PTPRF: variants seen among roughly 807,000 people sequenced by gnomAD.
PTPRF encodes protein tyrosine phosphatase receptor type F.
In PTPRF, 59 loss-of-function variants were observed where a neutral mutation model predicts 201.8. The observed-to-expected ratio is 0.29, with a 90% CI of 0.24 to 0.36. PTPRF has a LOEUF of 0.36. Ranked by LOEUF, PTPRF falls within the 10% of genes least tolerant of loss-of-function variation. The pLI is 1.00. For synonymous variants in PTPRF, 1,088 were observed against 1,089.7 expected, an observed-to-expected ratio of 1.00 and a Z score of 0.03; for missense variants, 2,132 against 2,690.5, an observed-to-expected ratio of 0.79 and a Z score of 4.59.
intron 3 of PTPRF, among the ~76,000 whole-genome samples, chr1:43,547,365 T>C (rs1436419789): frequency 6.6e-6 from 1 of 152,180 alleles, no homozygotes; most frequent in Non-Finnish European, 1.5e-5. Context: ...AATCCTGCCT[T>C]CTTCAGGTAG....
At chr1:43,610,435 A>G (rs888042601) in intron 22 of PTPRF, among the ~76,000 whole-genome samples, 1 of 152,266 alleles carries the variant, frequency 6.6e-6, no homozygotes, top group Non-Finnish European at 1.5e-5. Flanking sequence ...AGGAATTCAG[A>G]CAGGGGCACA....
Position 43,619,443 on chromosome 1 carries a change from A to G in PTPRF, c.4802A>G (p.His1601Arg), listed in dbSNP as rs371076941. The G allele has an allele frequency of 3.1e-6, 5 of 1,614,118 alleles. No homozygotes were observed. The highest frequency in any genetic ancestry group is 4.2e-6 in the Non-Finnish European group (5 of 1,180,040). The change falls in exon 28 of 34, where the codon CAT becomes CGT. Residue 1601 changes from histidine to arginine, a missense_variant. His to Arg is a conservative substitution (Grantham distance 29). This residue lies in a region of PTPRF where 519 missense variants were observed against 659.5 expected (regional missense o/e 0.79). Coordinates refer to ENST00000359947, the MANE Select transcript of PTPRF (RefSeq NM_002840.5). ...ACGGAGGACCAGTACGTGTTCATCC[A>G]TGAGGCGCTGCTGGAGGCTGCCACG... The part of the protein sequence containing the change: ...VQTEDQYVFI[H>R]EALLEAATCG...
Position 43,623,181 on chromosome 1 carries a change from A to C in PTPRF, c.*1178A>C, listed in dbSNP as rs1241264465. 6.5e-6 allele frequency: 1 copy of C among 152,712 alleles called. No homozygotes were observed. Among genetic ancestry groups the C allele is most frequent in the Non-Finnish European group, 1.5e-5 (1 of 68,076 alleles). 9.5% of individuals were successfully genotyped at this position (152,712 alleles called of 1,614,324 possible). A position where few individuals can be genotyped will look rare whatever the true frequency, so the allele number is the denominator to read the frequency against. On this transcript the variant is annotated 3_prime_UTR_variant, in exon 34 of 34. Coordinates refer to ENST00000359947, the MANE Select transcript of PTPRF (RefSeq NM_002840.5). ...GGTCCAGGCCAGTGGGCCTGGTAGC[A>C]CATGTCTGTCCTCAGAGCAGGGGCC...
rs535927650 is a variant in PTPRF, at chr1:43,542,029, G to A, written c.-45-3002G>A. ...TCACAAGATGCTCAACCTCGCAACC[G>A]CAGTCAGGCTAGCAGCAGCCCTGCC... On this transcript the variant is annotated intron_variant, in intron 2 of 33. Coordinates refer to ENST00000359947, the MANE Select transcript of PTPRF (RefSeq NM_002840.5). This position sits in a 1 kb window ranked among gnomAD's most constrained non-coding sequence, Gnocchi z 5.2. Among the ~76,000 whole-genome samples the A allele has an allele frequency of 1.3e-5, 2 of 152,286 alleles. No individual in the cohort carries two copies. The highest frequency in any genetic ancestry group is 1.3e-4 in the Admixed American group (2 of 15,308).
chr1:43,535,565 C>T (rs578241491), intron 1 of PTPRF, among the ~76,000 whole-genome samples: 19 of 152,254 alleles, frequency 1.2e-4, no homozygotes, highest in Non-Finnish European at 2.1e-4. Flanking sequence ...GGGGGTTGCT[C>T]CAGAGGGCAG....
At chr1:43,620,385 C>A in intron 30 of PTPRF, 69 bp from the exon 31 acceptor site, 1 of 1,539,014 alleles carries the variant, frequency 6.5e-7, no homozygotes, top group Non-Finnish European at 8.9e-7. Context: ...TCCCAGAATC[C>A]TGTGAAGCCT....
At chr1:43,570,988 C>T (rs11210873) in intron 6 of PTPRF, among the ~76,000 whole-genome samples, 37,146 of 152,154 alleles carry the variant, frequency 0.24, 5,506 homozygotes, top group East Asian at 0.33. Flanking sequence ...AGCAGCCAGA[C>T]GCTCCTCCCT....
rs1423440541 is a variant in PTPRF at position 43,530,939 on chromosome 1, C to G, written c.-277C>G. The stretch of plus-strand genomic sequence containing the variant: ...GCTCCAGCTTCGGCTCCGGCTCGGG[C>G]TCGGGCTCCGGCTCCGGCTCCGGCT... On this transcript the variant is annotated 5_prime_UTR_variant, in exon 1 of 34. Transcript: ENST00000359947. This position sits in a 1 kb window ranked among gnomAD's most constrained non-coding sequence, Gnocchi z 4.1. 3 of 156,048 alleles carry G rather than the reference C, an allele frequency of 1.9e-5. No homozygotes were observed. The highest frequency in any genetic ancestry group is 7.4e-5 in the African/African-American group (3 of 40,712). The allele number at this position is 156,048 out of a possible 1,614,324, so 9.7% of individuals were successfully genotyped here.
chr1:43,571,212 C>G (rs1646546717), intron 6 of PTPRF, among the ~76,000 whole-genome samples: 1 of 152,226 alleles, frequency 6.6e-6, no homozygotes, highest in Non-Finnish European at 1.5e-5. Flanking sequence ...TCCTTCCCAA[C>G]CACACTCCCA....
intron 2 of PTPRF, among the ~76,000 whole-genome samples, chr1:43,539,771 G>A (rs1415833587): frequency 6.6e-6 from 1 of 152,184 alleles, no homozygotes; most frequent in Non-Finnish European, 1.5e-5. Context: ...GTACCTGAAG[G>A]TGGAGCCCTC....
chr1:43,607,631 C>T lies in PTPRF; in HGVS notation c.3857+663C>T, dbSNP rs116842130. Among the ~76,000 whole-genome samples, 9 of 152,320 alleles carry T rather than the reference C, an allele frequency of 5.9e-5. No homozygotes were observed. The East Asian group carries it at 1.7e-3, about 29-fold the overall frequency. ...AGTTTAAAACCTTTTGATGGCTGCC[C>T]ACGTAAAGCCCACCCTCTTTAGCCT... On this transcript the variant is annotated intron_variant, in intron 21 of 33. Coordinates refer to ENST00000359947, the MANE Select transcript of PTPRF (RefSeq NM_002840.5).
chr1:43,595,184 G>A (rs992232938), intron 11 of PTPRF, among the ~76,000 whole-genome samples: 14 of 152,070 alleles, frequency 9.2e-5, no homozygotes, highest in Non-Finnish European at 2.1e-4. Context: ...TGGAGCTGAG[G>A]GTGGGATTTT....
At chr1:43,569,898 G>A (rs574293592) in intron 6 of PTPRF, 120 bp downstream of exon 6, 319 of 1,177,942 alleles carry the variant, frequency 2.7e-4, no homozygotes, top group Non-Finnish European at 3.1e-4. Flanking sequence ...AGGGTACCTG[G>A]TGGGGTGGGC....
Position 43,605,334 on chromosome 1 carries a change from C to T in PTPRF, c.3280C>T (p.Arg1094Cys), listed in dbSNP as rs374873502. Residue 1094 changes from arginine (R) to cysteine (C), a missense_variant, in exon 18 of 34, where the codon CGC (arginine) becomes TGC (cysteine). Arg to Cys is a radical substitution (Grantham distance 180). Around this residue, in one of 6 missense-constraint regions of PTPRF, gnomAD observed 818 missense variants for 915.3 expected, o/e 0.89. Transcript: ENST00000359947. ...GGGCCTGCAGCACCTGGTGTCCATCCGCACAGCCCCCGACCTCCTGCCTCA... is the reference window on the plus strand; with the variant it reads ...GGGCCTGCAGCACCTGGTGTCCATCTGCACAGCCCCCGACCTCCTGCCTCA... ...AGGLQHLVSI[R>C]TAPDLLPHKP... The T allele has an allele frequency of 4.2e-5, 68 of 1,613,692 alleles. No homozygotes were observed. The highest frequency in any genetic ancestry group is 5.0e-5 in the Non-Finnish European group (59 of 1,179,970).
chr1:43,562,043 T>C (rs541305073), intron 5 of PTPRF, among the ~76,000 whole-genome samples: 79 of 152,242 alleles, frequency 5.2e-4, no homozygotes, highest in East Asian at 5.0e-3. Flanking sequence ...CCAAATGCCC[T>C]GTGCATGCAC....
chr1:43,590,297 T>C (rs531583078), intron 8 of PTPRF, among the ~76,000 whole-genome samples: 3 of 152,306 alleles, frequency 2.0e-5, no homozygotes, highest in Non-Finnish European at 4.4e-5. Context: ...GGCAGAATCA[T>C]GAGTACGATC....
intron 8 of PTPRF, among the ~76,000 whole-genome samples, chr1:43,589,695 G>GA (rs55816248): frequency 0.071 from 7,512 of 106,378 alleles, 913 homozygotes; most frequent in African/African-American, 0.27. Context: ...CCATCTCTAC[G>GA]AAAAAAAAAA....
At chr1:43,609,599 A>G (rs559590774) in intron 22 of PTPRF, 101 bp downstream of exon 22, 375 of 792,666 alleles carry the variant, frequency 4.7e-4, no homozygotes, top group Middle Eastern at 7.8e-4. Context: ...CCTGGGCCGC[A>G]TGCACTTGTT....
At chr1:43,557,312 G>A (rs1169512079) in intron 5 of PTPRF, among the ~76,000 whole-genome samples, 3 of 152,222 alleles carry the variant, frequency 2.0e-5, no homozygotes, top group Non-Finnish European at 4.4e-5. Context: ...TGGTCTTTCA[G>A]GCCTGGGGTG....
Sources: allele counts gnomAD v4.1 joint callset (sites outside exome capture counted in the v4.1 genomes callset), GRCh38; gene constraint gnomAD v4.1.1; regional missense constraint gnomAD v4.1.1; non-coding constraint Gnocchi (gnomAD v3.1); transcripts MANE v1.5; gene names NCBI Gene and HGNC (gene_info 2026-07-23, HGNC 2026-07-21).